Variants in RAB28 observed in about 807,000 individuals in gnomAD.
RAB28 encodes the protein ras-related protein Rab-28.
In RAB28, 24 loss-of-function variants were observed where a neutral mutation model predicts 31.7. The ratio of observed to expected loss-of-function variants is 0.76; its 90% CI spans 0.55 to 1.06. RAB28 has a LOEUF of 1.06. Ranked by LOEUF, RAB28 falls within the 50% of genes least tolerant of loss-of-function variation. The pLI, the probability that RAB28 is intolerant of heterozygous loss-of-function variation, is 0.00. For missense variants in RAB28, 254 were observed against 258.5 expected (o/e 0.98, Z 0.12); for synonymous variants, 100 against 90.4 (o/e 1.11, Z -0.60).
chr4:13,449,841 T>C (rs1177551613), intron 4 of RAB28, among the ~76,000 whole-genome samples: 1 of 151,814 alleles, frequency 6.6e-6, no homozygotes, highest in Non-Finnish European at 1.5e-5. Flanking sequence ...AAGCTATAAA[T>C]CAGGAAGAGG....
At chr4:13,371,700 C>T in intron 6 of RAB28, 2 of 1,521,436 alleles carry the variant, frequency 1.3e-6, no homozygotes, top group South Asian at 2.5e-5. Flanking sequence ...ATTTCCATGT[C>T]ATAAACTTCA....
intron 4 of RAB28, among the ~76,000 whole-genome samples, chr4:13,451,655 A>C (rs1714974077): frequency 6.6e-6 from 1 of 151,848 alleles, no homozygotes; most frequent in Non-Finnish European, 1.5e-5. Context: ...ATCTTTTCCC[A>C]GACAAATGTC....
chr4:13,470,370 A>G (rs1305133990), intron 3 of RAB28, among the ~76,000 whole-genome samples: 1 of 152,104 alleles, frequency 6.6e-6, no homozygotes, highest in Non-Finnish European at 1.5e-5. Flanking sequence ...ACTTACAGTA[A>G]AAGAGAGCAG....
chr4:13,451,952 T>C (rs1714991819), intron 4 of RAB28, among the ~76,000 whole-genome samples: 1 of 151,972 alleles, frequency 6.6e-6, no homozygotes. Flanking sequence ...TCTATGTGTC[T>C]GTTTTAATGC....
chr4:13,403,086 C>A (rs78806965), intron 4 of RAB28, among the ~76,000 whole-genome samples: 1,583 of 152,220 alleles, frequency 0.01, 26 homozygotes, highest in African/African-American at 0.035. Flanking sequence ...TGAGTCAGTG[C>A]GCCCGGACCC....
intron 6 of RAB28, 101 bp downstream of exon 6, chr4:13,376,444 T>C (rs1728924399): frequency 2.8e-6 from 2 of 726,542 alleles, no homozygotes; most frequent in Non-Finnish European, 4.5e-6. Flanking sequence ...CTTTTAGAGA[T>C]ACGTACACAG....
At position 13,479,477 on chromosome 4, in the gene RAB28, T is replaced by C; in HGVS notation, c.125A>G (p.Lys42Arg). ...FAQETFGKQY[K>R]QTIGLDFFLR... The stretch of plus-strand genomic sequence containing the variant: ...AAAGAAATCCAGTCCTATAGTTTGT[T>C]TGTACTGTTTCCCAAAAGTTTCTTG... The change falls in exon 2 of 7, where the codon AAA becomes AGA. Residue 42 changes from lysine (K) to arginine (R), a missense_variant. By Grantham distance (26) the Lys-to-Arg change is conservative (BLOSUM62 2). Transcript: ENST00000330852. The C allele has an allele frequency of 6.2e-7, 1 of 1,609,852 alleles. No individual in the cohort carries two copies. The highest frequency in any genetic ancestry group is 1.1e-5 in the South Asian group (1 of 90,802).
At chr4:13,387,808 T>A (rs1478340541) in intron 4 of RAB28, among the ~76,000 whole-genome samples, 1 of 152,092 alleles carries the variant, frequency 6.6e-6, no homozygotes, top group African/African-American at 2.4e-5. Context: ...AATACAATTC[T>A]GAAAATATAG....
At chr4:13,463,761 TA>T (rs1715709864) in intron 3 of RAB28, among the ~76,000 whole-genome samples, 1 of 152,176 alleles carries the variant, frequency 6.6e-6, no homozygotes, top group Admixed American at 6.5e-5. Context: ...TAAAAACTAT[TA>T]TTTTTCCTTG....
At chr4:13,379,503 T>A (rs1178395706) in intron 5 of RAB28, among the ~76,000 whole-genome samples, 1 of 152,116 alleles carries the variant, frequency 6.6e-6, no homozygotes, top group African/African-American at 2.4e-5. Flanking sequence ...GGACTGGCCA[T>A]GAGATTTAAG....
At chr4:13,452,634 A>G (rs986208864) in intron 4 of RAB28, among the ~76,000 whole-genome samples, 1 of 151,984 alleles carries the variant, frequency 6.6e-6, no homozygotes, top group African/African-American at 2.4e-5. Context: ...AAGATACTTG[A>G]TATGATTTCA....
At chr4:13,462,064 A>G (rs1302242802) in intron 3 of RAB28, among the ~76,000 whole-genome samples, 1 of 152,256 alleles carries the variant, frequency 6.6e-6, no homozygotes, top group Non-Finnish European at 1.5e-5. Flanking sequence ...ATTGTGCTGG[A>G]TTCCTACGGA....
At chr4:13,427,292 T>C (rs777506966) in intron 4 of RAB28, among the ~76,000 whole-genome samples, 17 of 152,198 alleles carry the variant, frequency 1.1e-4, no homozygotes, top group Non-Finnish European at 2.5e-4. Flanking sequence ...ACACAATAAC[T>C]AGGACAAGAT....
At chr4:13,475,434 C>G (rs1227716578) in intron 2 of RAB28, among the ~76,000 whole-genome samples, 1 of 150,996 alleles carries the variant, frequency 6.6e-6, no homozygotes, top group Non-Finnish European at 1.5e-5. Flanking sequence ...GATCTCATTT[C>G]AAAAAAAGAT....
chr4:13,467,216 A>T (rs1295072051), intron 3 of RAB28, among the ~76,000 whole-genome samples: 1 of 152,006 alleles, frequency 6.6e-6, no homozygotes, highest in Non-Finnish European at 1.5e-5. Flanking sequence ...GATAATGAAT[A>T]TGCTAATTGG....
chr4:13,459,881 T>C, intron 4 of RAB28: 1 of 1,289,334 alleles, frequency 7.8e-7, no homozygotes, highest in Non-Finnish European at 1.0e-6. Flanking sequence ...TCATAAAATC[T>C]GCAGCTGTGT....
intron 3 of RAB28, among the ~76,000 whole-genome samples, chr4:13,468,210 C>G (rs1448214246): frequency 6.6e-6 from 1 of 151,930 alleles, no homozygotes; most frequent in African/African-American, 2.4e-5. Context: ...AGTAAGGGTA[C>G]AGTTGATCTG....
At chr4:13,455,400 T>C (rs1255762679) in intron 4 of RAB28, among the ~76,000 whole-genome samples, 2 of 152,194 alleles carry the variant, frequency 1.3e-5, no homozygotes, top group African/African-American at 4.8e-5. Flanking sequence ...TGGGGACTGG[T>C]TCCCCTGCTG....
chr4:13,484,020 C>T (rs1332655636), intron 1 of RAB28, 56 bp downstream of exon 1: 11 of 1,496,478 alleles, frequency 7.4e-6, no homozygotes, highest in Middle Eastern at 1.8e-4. Context: ...GGGAGGAGGC[C>T]GGGGACCGCC....
Sources: gnomAD v4.1 joint callset for allele counts (sites outside exome capture counted in the v4.1 genomes callset) on GRCh38, gnomAD v4.1.1 for gene constraint, MANE v1.5 for transcripts, NCBI Gene and HGNC (gene_info 2026-07-23, HGNC 2026-07-21) for gene names.